SAMD4A: variants seen among roughly 807,000 people sequenced by gnomAD.
SAMD4A encodes protein Smaug homolog 1.
SAMD4A carries 33 observed loss-of-function variants against 81.3 expected under a neutral mutation model. That is an observed-to-expected ratio of 0.41 (90% CI 0.31 to 0.54). The LOEUF (loss-of-function observed/expected upper bound fraction) is 0.54. SAMD4A is among the 20% of genes least tolerant of loss of function. The probability of loss-of-function intolerance (pLI) is 0.37; values close to 1 mark genes in which losing one functional copy is unlikely to be tolerated. For missense variants in SAMD4A, 854 were observed against 951.1 expected, an observed-to-expected ratio of 0.90 and a Z score of 1.34; for synonymous variants, 389 against 382.1, an observed-to-expected ratio of 1.02 and a Z score of -0.21.
At chr14:54,656,291 T>A (rs2035519755) in intron 2 of SAMD4A, among the ~76,000 whole-genome samples, 1 of 152,204 alleles carries the variant, frequency 6.6e-6, no homozygotes, top group Admixed American at 6.5e-5. Context: ...CATTTAGAGT[T>A]GACTATTCCT....
chr14:54,683,716 T>A (rs2036184027), intron 2 of SAMD4A, among the ~76,000 whole-genome samples: 1 of 152,196 alleles, frequency 6.6e-6, no homozygotes, highest in Non-Finnish European at 1.5e-5. Flanking sequence ...AGAAACCAAG[T>A]TTTTATTCTT....
Position 54,790,040 on chromosome 14 carries a change from A to G in SAMD4A, c.*1096A>G, listed in dbSNP as rs770841160. On this transcript the variant is annotated 3_prime_UTR_variant, in exon 13 of 13. Coordinates refer to ENST00000554335, the MANE Select transcript of SAMD4A (RefSeq NM_015589.6). ...TTGCTCCACACACACACAGGTGGGT[A>G]CAAGTTCCACTGGAGGAGAAAAGGC... The G allele has an allele frequency of 6.6e-6, 1 of 152,248 alleles. No individual in the cohort carries two copies. Among genetic ancestry groups the G allele is most frequent in the Non-Finnish European group, 1.5e-5 (1 of 68,064 alleles). The allele number at this position is 152,248 out of a possible 1,614,324, so 9.4% of individuals were successfully genotyped here. A position where few individuals can be genotyped will look rare whatever the true frequency, so the allele number is the denominator to read the frequency against.
In SAMD4A at chr14:54,567,859, G is replaced by A; in HGVS notation, c.-58G>A. On this transcript the variant is annotated 5_prime_UTR_variant, in exon 2 of 13. Coordinates refer to ENST00000554335, the MANE Select transcript of SAMD4A (RefSeq NM_015589.6). ...CTGCGGCTCCGCCAAACTTTGGGGC[G>A]GGCGGGGCGGGCTGGGGCGCCCAGG... The A allele has an allele frequency of 6.5e-7, 1 of 1,544,418 alleles. No individual in the cohort carries two copies. Among genetic ancestry groups the A allele is most frequent in the South Asian group, 1.2e-5 (1 of 85,162 alleles).
chr14:54,741,894 G>GA lies in SAMD4A; in HGVS notation c.979+4612dup, dbSNP rs2037852489. Among the ~76,000 whole-genome samples the GA allele has an allele frequency of 2.6e-5, 4 of 152,242 alleles. No homozygotes were observed. The South Asian group carries it at 8.3e-4, about 32-fold the overall frequency. On this transcript the variant is annotated intron_variant, in intron 4 of 12. Coordinates refer to ENST00000554335, the MANE Select transcript of SAMD4A (RefSeq NM_015589.6). ...TGGCTTGAGTGTTAAGGGCACATGGGAAAAAGAGGTCTGGAGAGGGAGAAA... is the reference window on the plus strand; with the variant it reads ...TGGCTTGAGTGTTAAGGGCACATGGGAAAAAAGAGGTCTGGAGAGGGAGAAA...
chr14:54,681,926 C>G (rs2036137970), intron 2 of SAMD4A: 1 of 985,226 alleles, frequency 1.0e-6, no homozygotes. Context: ...CCGCAATATC[C>G]CACTTTAGGA....
chr14:54,581,179 TA>T (rs2033454284), intron 2 of SAMD4A, among the ~76,000 whole-genome samples: 1 of 152,258 alleles, frequency 6.6e-6, no homozygotes, highest in African/African-American at 2.4e-5. Flanking sequence ...ACAAGGCTAT[TA>T]CCAGGATTGT....
rs564756940 is a variant in SAMD4A at position 54,717,453 on chromosome 14, A to G, written c.715+14873A>G. ...AAGACCCTGTCTCAAAAAAAAAAAA[A>G]AAAGAAAGAAATTTTTTTCATGCCT... On this transcript the variant is annotated intron_variant, in intron 3 of 12. Coordinates refer to ENST00000554335, the MANE Select transcript of SAMD4A (RefSeq NM_015589.6). 2.9e-3 allele frequency among the ~76,000 whole-genome samples: 437 copies of G among 152,080 alleles called. 3 individuals are homozygous for G. Among genetic ancestry groups the G allele is most frequent in the Middle Eastern group, 6.8e-3 (2 of 294 alleles).
chr14:54,756,127 G>C (rs1426265785), intron 6 of SAMD4A, among the ~76,000 whole-genome samples: 1 of 152,158 alleles, frequency 6.6e-6, no homozygotes, highest in African/African-American at 2.4e-5. Flanking sequence ...AATATTTCTG[G>C]AGTAATAATG....
chr14:54,710,701 G>A (rs2036967273), intron 3 of SAMD4A, among the ~76,000 whole-genome samples: 1 of 152,106 alleles, frequency 6.6e-6, no homozygotes, highest in South Asian at 2.1e-4. Context: ...CCATCTCTGT[G>A]ACTCTCTGAA....
chr14:54,585,884 G>T (rs1486563284), intron 2 of SAMD4A, among the ~76,000 whole-genome samples: 1 of 152,034 alleles, frequency 6.6e-6, no homozygotes, highest in Non-Finnish European at 1.5e-5. Flanking sequence ...ATTGCAAATT[G>T]TGCTGCTACA....
intron 3 of SAMD4A, among the ~76,000 whole-genome samples, chr14:54,725,545 T>C (rs964449901): frequency 1.3e-5 from 2 of 152,234 alleles, no homozygotes; most frequent in African/African-American, 4.8e-5. Flanking sequence ...AATCAAGATA[T>C]ATTTTTCATG....
chr14:54,738,923 G>A (rs1302838867), intron 4 of SAMD4A, among the ~76,000 whole-genome samples: 2 of 152,274 alleles, frequency 1.3e-5, no homozygotes, highest in African/African-American at 2.4e-5. Context: ...TGTGTTTGAA[G>A]GGTAAGGAGG....
intron 3 of SAMD4A, 34 bp from the exon 4 acceptor site, chr14:54,736,990 G>T (rs1289037769): frequency 1.9e-6 from 3 of 1,607,034 alleles, no homozygotes; most frequent in Admixed American, 1.7e-5. Context: ...TAAAGGGGGG[G>T]GAATAACCTA....
At chr14:54,698,868 A>G (rs1219615910) in intron 2 of SAMD4A, among the ~76,000 whole-genome samples, 1 of 151,826 alleles carries the variant, frequency 6.6e-6, no homozygotes, top group South Asian at 2.1e-4. Flanking sequence ...GAGCGGTTAC[A>G]TGGAGATAAC....
At position 54,792,209 on chromosome 14, in the gene SAMD4A, GTGGC is replaced by G. The variant is rs2039270410; in HGVS notation, c.*3269_*3272del. ...ACGAGAGCCAGCAAGCAAAATAGAT[GTGGC>G]TGGGTCTGCCTGTCCGGGCGGCTCT... On this transcript the variant is annotated 3_prime_UTR_variant, in exon 13 of 13. Coordinates refer to ENST00000554335, the MANE Select transcript of SAMD4A (RefSeq NM_015589.6). The G allele has an allele frequency of 6.6e-6, 1 of 152,188 alleles. No individual in the cohort carries two copies. The highest frequency in any genetic ancestry group is 1.5e-5 in the Non-Finnish European group (1 of 68,042). 9.4% of individuals were successfully genotyped at this position (152,188 alleles called of 1,614,324 possible). A position where few individuals can be genotyped will look rare whatever the true frequency, so the allele number is the denominator to read the frequency against.
intron 2 of SAMD4A, among the ~76,000 whole-genome samples, chr14:54,584,748 T>A (rs2033568613): frequency 6.6e-6 from 1 of 152,198 alleles, no homozygotes. Flanking sequence ...TATGCTAGAT[T>A]ATAGCATAAA....
chr14:54,631,843 A>C (rs1384503524), intron 2 of SAMD4A, among the ~76,000 whole-genome samples: 1 of 152,210 alleles, frequency 6.6e-6, no homozygotes, highest in Non-Finnish European at 1.5e-5. Context: ...CTTTATACTA[A>C]GAAACTTAAG....
At position 54,758,788 on chromosome 14, in the gene SAMD4A, C is replaced by G. The variant is rs140864746; in HGVS notation, c.1177-1373C>G. Among the ~76,000 whole-genome samples, 305 of 152,276 alleles carry G rather than the reference C, an allele frequency of 2.0e-3. 6 individuals carry two copies. The East Asian group carries it at 0.053, about 27-fold the overall frequency. On this transcript the variant is annotated intron_variant, in intron 6 of 12. Transcript: ENST00000554335. ...GAGGTTGCAGTGGGCTGAGATCATG[C>G]CACTGCACTCTGGCCTGGGCAACAG... is the stretch of plus-strand genomic sequence containing the variant.
chr14:54,598,776 C>G (rs930756610), intron 2 of SAMD4A, among the ~76,000 whole-genome samples: 2 of 152,122 alleles, frequency 1.3e-5, no homozygotes, highest in Admixed American at 6.5e-5. Context: ...CTATCGGGAA[C>G]GTGTGTTATT....
Sources: gnomAD v4.1 joint callset for allele counts (sites outside exome capture counted in the v4.1 genomes callset) on GRCh38, gnomAD v4.1.1 for gene constraint, MANE v1.5 for transcripts, NCBI Gene and HGNC (gene_info 2026-07-23, HGNC 2026-07-21) for gene names.